The following KSR2 variants were observed in gnomAD, a reference collection of about 807,000 sequenced individuals.
KSR2 encodes the protein kinase suppressor of ras 2.
A neutral mutation model predicts 107.8 loss-of-function variants in KSR2; 25 were observed. The observed-to-expected ratio is 0.23, with a 90% confidence interval of 0.17 to 0.32. KSR2 has a LOEUF of 0.32. Ranked by LOEUF, KSR2 falls within the 10% of genes least tolerant of loss-of-function variation. The pLI, the probability that KSR2 is intolerant of heterozygous loss-of-function variation, is 1.00. For synonymous variants in KSR2, 480 were observed against 507.0 expected (o/e 0.95, Z 0.71); for missense variants, 887 against 1,268.9 (o/e 0.70, Z 4.57).
At chr12:117,798,839 T>C (rs1890731999) in intron 3 of KSR2, among the ~76,000 whole-genome samples, 1 of 152,100 alleles carries the variant, frequency 6.6e-6, no homozygotes, top group Non-Finnish European at 1.5e-5. Context: ...AACCCCAGTG[T>C]CCATCAATGA....
intron 5 of KSR2, among the ~76,000 whole-genome samples, chr12:117,608,047 A>G (rs1565923987): frequency 1.3e-5 from 2 of 152,218 alleles, no homozygotes; most frequent in Admixed American, 6.5e-5. Context: ...AGGAAACTGG[A>G]TGCTTTTACC....
intron 1 of KSR2, among the ~76,000 whole-genome samples, chr12:117,927,550 G>A (rs1033625316): frequency 3.3e-5 from 5 of 152,130 alleles, no homozygotes; most frequent in South Asian, 2.1e-4. Flanking sequence ...AAAAGTAGCC[G>A]AGTGTGGTGG....
Position 117,800,706 on chromosome 12 carries a change from G to T in KSR2, c.473-39182C>A, listed in dbSNP as rs147845309. Among the ~76,000 whole-genome samples the T allele has an allele frequency of 2.2e-3, 341 of 152,162 alleles. 2 individuals carry two copies. The highest frequency in any genetic ancestry group is 7.7e-3 in the African/African-American group (319 of 41,490). ...TATCAACCCGTCATCTAGGTTTTAA[G>T]CCCCACGTGCATTAGGTATTTGTCC... On this transcript the variant is annotated intron_variant, in intron 3 of 19. Coordinates refer to ENST00000339824, the MANE Select transcript of KSR2 (RefSeq NM_173598.6).
intron 3 of KSR2, among the ~76,000 whole-genome samples, chr12:117,785,130 AC>A (rs1315632951): frequency 6.6e-6 from 1 of 152,170 alleles, no homozygotes; most frequent in Non-Finnish European, 1.5e-5. Context: ...AAAGCAATCA[AC>A]AGGCTGGGCA....
Position 117,882,352 on chromosome 12 carries a change from C to A in KSR2, c.181-21921G>T, listed in dbSNP as rs75839183. The stretch of plus-strand genomic sequence containing the variant: ...TTCCAAATTGCCGTTCAACTACCAT[C>A]TACACACACAAACACACCCACACTG... On this transcript the variant is annotated intron_variant, in intron 1 of 19. Transcript: ENST00000339824. 7.3e-3 allele frequency among the ~76,000 whole-genome samples: 1,115 copies of A among 152,294 alleles called. 16 individuals carry two copies. Among genetic ancestry groups the A allele is most frequent in the African/African-American group, 0.025 (1,047 of 41,568 alleles).
chr12:117,609,412 C>T (rs10850857), intron 5 of KSR2, among the ~76,000 whole-genome samples: 38,082 of 152,188 alleles, frequency 0.25, 5,046 homozygotes, highest in Non-Finnish European at 0.29. Flanking sequence ...CAGAGGTCAG[C>T]TAACTTACGG....
At chr12:117,654,867 C>G (rs1884069292) in intron 5 of KSR2, among the ~76,000 whole-genome samples, 2 of 152,178 alleles carry the variant, frequency 1.3e-5, no homozygotes, top group Admixed American at 1.3e-4. Flanking sequence ...GCCTCTTTCC[C>G]CAGCCACCCC....
chr12:117,751,151 G>A (rs917463614), intron 4 of KSR2, among the ~76,000 whole-genome samples: 1 of 152,158 alleles, frequency 6.6e-6, no homozygotes, highest in Admixed American at 6.5e-5. Flanking sequence ...AGAGCAGATG[G>A]TTTTATAAAG....
At chr12:117,919,539 C>A (rs190315124) in intron 1 of KSR2, among the ~76,000 whole-genome samples, 60 of 152,322 alleles carry the variant, frequency 3.9e-4, no homozygotes, top group African/African-American at 1.4e-3. Flanking sequence ...TCTAAAATGA[C>A]CTTTCATAAG....
At chr12:117,777,939 G>C (rs1889752683) in intron 3 of KSR2, among the ~76,000 whole-genome samples, 1 of 152,028 alleles carries the variant, frequency 6.6e-6, no homozygotes, top group African/African-American at 2.4e-5. Flanking sequence ...TGGCTGAGGT[G>C]GGAGGATTGC....
chr12:117,503,723 G>A (rs754623170), intron 14 of KSR2, among the ~76,000 whole-genome samples: 2 of 152,210 alleles, frequency 1.3e-5, no homozygotes, highest in Non-Finnish European at 2.9e-5. Context: ...AAAAGGACAT[G>A]CAAAGAGGTT....
At chr12:117,639,158 C>A (rs1423149815) in intron 5 of KSR2, among the ~76,000 whole-genome samples, 1 of 151,982 alleles carries the variant, frequency 6.6e-6, no homozygotes, top group Non-Finnish European at 1.5e-5. Flanking sequence ...TTTGGGGCAC[C>A]TCTTAAATTT....
chr12:117,795,806 T>C (rs937152500), intron 3 of KSR2, among the ~76,000 whole-genome samples: 4 of 152,154 alleles, frequency 2.6e-5, no homozygotes, highest in Admixed American at 6.6e-5. Flanking sequence ...AGACAGGGTC[T>C]CACTATGTTA....
At chr12:117,747,626 T>C (rs1888459899) in intron 4 of KSR2, among the ~76,000 whole-genome samples, 1 of 151,958 alleles carries the variant, frequency 6.6e-6, no homozygotes, top group Admixed American at 6.6e-5. Flanking sequence ...AATTAATTAA[T>C]TAAAAATGGG....
At chr12:117,636,640 C>T (rs184467577) in intron 5 of KSR2, among the ~76,000 whole-genome samples, 68 of 152,264 alleles carry the variant, frequency 4.5e-4, no homozygotes, top group African/African-American at 1.6e-3. Flanking sequence ...TAACTTATAC[C>T]ATATTCTGAA....
chr12:117,728,093 G>A (rs1162179124), intron 4 of KSR2, among the ~76,000 whole-genome samples: 1 of 152,188 alleles, frequency 6.6e-6, no homozygotes, highest in Non-Finnish European at 1.5e-5. Context: ...AGAACTTTCT[G>A]GGGTGGAGGA....
chr12:117,600,538 T>C (rs1270891153), intron 5 of KSR2, among the ~76,000 whole-genome samples: 1 of 152,204 alleles, frequency 6.6e-6, no homozygotes, highest in Non-Finnish European at 1.5e-5. Flanking sequence ...AATGTGATCA[T>C]TCTCGCTTAT....
intron 1 of KSR2, among the ~76,000 whole-genome samples, chr12:117,876,649 C>A (rs1057485107): frequency 6.6e-6 from 1 of 151,788 alleles, no homozygotes; most frequent in Middle Eastern, 3.2e-3. Flanking sequence ...CACAATAATA[C>A]ATTATGTCAT....
Position 117,632,944 on chromosome 12 carries a change from G to A in KSR2, c.1171+34530C>T, listed in dbSNP as rs746945201. On this transcript the variant is annotated intron_variant, in intron 5 of 19. Transcript: ENST00000339824. ...TTTCTGTATCCAGTCCACTGCTGAT[G>A]GGCATTGAGGTGGATTCCATGTCTT... Among the ~76,000 whole-genome samples the A allele has an allele frequency of 1.1e-4, 16 of 152,150 alleles. 1 individual carries two copies. Among genetic ancestry groups the A allele is most frequent in the Non-Finnish European group, 1.8e-4 (12 of 68,036 alleles).
Sources: allele counts gnomAD v4.1 joint callset (sites outside exome capture counted in the v4.1 genomes callset), GRCh38; gene constraint gnomAD v4.1.1; transcripts MANE v1.5; gene names NCBI Gene and HGNC (gene_info 2026-07-23, HGNC 2026-07-21).